Variants in STAU1 observed in about 807,000 individuals in gnomAD.
STAU1 encodes the protein staufen double-stranded RNA binding protein 1.
STAU1 carries 13 observed loss-of-function variants against 62.9 expected under a neutral mutation model. That is an observed-to-expected ratio of 0.21 (90% CI 0.13 to 0.33). STAU1 has a LOEUF of 0.33. Among genes scored for constraint, STAU1 ranks in the 10% least tolerant of loss-of-function variants. The pLI is 1.00. For synonymous variants in STAU1, 269 were observed against 265.1 expected (o/e 1.01, Z -0.14); for missense variants, 571 against 712.1 (o/e 0.80, Z 2.25).
intron 1 of STAU1, among the ~76,000 whole-genome samples, chr20:49,184,600 A>T (rs1486130812): frequency 6.6e-6 from 1 of 152,226 alleles, no homozygotes; most frequent in Non-Finnish European, 1.5e-5. Context: ...CTGTATATAC[A>T]TGGACTTTCT....
the STAU1 span, among the ~76,000 whole-genome samples, chr20:49,211,153 A>G: frequency 1.3e-5 from 2 of 152,196 alleles, no homozygotes; most frequent in African/African-American, 4.8e-5. Context: ...ATCTCACTTC[A>G]TTCATTTTTA....
intron 1 of STAU1, among the ~76,000 whole-genome samples, chr20:49,177,717 G>A (rs552345732): frequency 1.2e-4 from 18 of 151,870 alleles, no homozygotes; most frequent in African/African-American, 4.3e-4. Context: ...CATAAAAAAA[G>A]CTAAATATAA....
intron 12 of STAU1, 103 bp from the exon 13 acceptor site, chr20:49,115,970 G>A: frequency 1.2e-6 from 1 of 851,426 alleles, no homozygotes. Flanking sequence ...CCAGCAAACA[G>A]GTGGCAACTT....
chr20:49,140,696 T>C (rs1020026988), intron 5 of STAU1, among the ~76,000 whole-genome samples: 3 of 152,144 alleles, frequency 2.0e-5, no homozygotes, highest in South Asian at 4.1e-4. Flanking sequence ...TTTGGAATGA[T>C]GGAAAGGTTC....
chr20:49,204,641 TA>T, the STAU1 span, among the ~76,000 whole-genome samples: 1 of 57,718 alleles, frequency 1.7e-5, no homozygotes, highest in African/African-American at 8.5e-5. Flanking sequence ...TATATATATA[TA>T]TATATTTTTT....
intron 3 of STAU1, among the ~76,000 whole-genome samples, chr20:49,165,224 T>C (rs961898016): frequency 2.0e-5 from 3 of 152,156 alleles, no homozygotes; most frequent in Admixed American, 6.5e-5. Context: ...TTTGTATTTT[T>C]AGTAGAGACG....
intron 1 of STAU1, chr20:49,179,379 T>C (rs1270229477): frequency 2.0e-5 from 3 of 152,194 alleles, no homozygotes; most frequent in African/African-American, 7.2e-5. Flanking sequence ...AAAATTACTA[T>C]ACAGAAGTAG....
the STAU1 span, among the ~76,000 whole-genome samples, chr20:49,207,492 T>C: frequency 6.6e-6 from 1 of 152,196 alleles, no homozygotes; most frequent in Non-Finnish European, 1.5e-5. Context: ...TAATTAACTT[T>C]AAATGAATTT....
the STAU1 span, among the ~76,000 whole-genome samples, chr20:49,210,202 C>T: frequency 6.6e-6 from 1 of 152,192 alleles, no homozygotes; most frequent in Non-Finnish European, 1.5e-5. Context: ...GGCTGGATCT[C>T]CTGTTTCCTG....
In STAU1 at chr20:49,114,769, C is replaced by T. The variant is rs1327845711; in HGVS notation, c.*109G>A. On this transcript the variant is annotated 3_prime_UTR_variant, in exon 14 of 14. Coordinates refer to ENST00000371856, the MANE Select transcript of STAU1 (RefSeq NM_017453.4). ...GCTGCTGCCCACATCCTTTACCCAC[C>T]GTGTCTCTCGGCCCACTGGAGGTAT... 2.1e-5 allele frequency: 21 copies of T among 1,022,066 alleles called. No homozygotes were observed. Among genetic ancestry groups the T allele is most frequent in the African/African-American group, 8.0e-5 (5 of 62,482 alleles). 63.3% of individuals were successfully genotyped at this position (1,022,066 alleles called of 1,614,324 possible).
At chr20:49,193,354 C>A (rs1199879332), upstream of STAU1, among the ~76,000 whole-genome samples, 1 of 151,806 alleles carries the variant, frequency 6.6e-6, no homozygotes, top group East Asian at 1.9e-4. Flanking sequence ...TGCAGCCTGG[C>A]CAACAGAGCA....
At chr20:49,127,638 G>A (rs1369050091) in intron 6 of STAU1, among the ~76,000 whole-genome samples, 10 of 152,082 alleles carry the variant, frequency 6.6e-5, no homozygotes, top group Admixed American at 2.6e-4. Context: ...CCCCAGAGGC[G>A]GAGGTTGCAG....
intron 9 of STAU1, 68 bp downstream of exon 9, chr20:49,119,914 G>A: frequency 1.3e-6 from 2 of 1,555,126 alleles, no homozygotes; most frequent in South Asian, 2.4e-5. Context: ...GCCTGCCCCT[G>A]GAGGTGCCCC....
the STAU1 span, among the ~76,000 whole-genome samples, chr20:49,205,801 A>C: frequency 6.7e-6 from 1 of 148,254 alleles, no homozygotes; most frequent in Non-Finnish European, 1.5e-5. Flanking sequence ...CAGCCTCCCG[A>C]GTAGCTGGGA....
chr20:49,149,907 C>T (rs2093211532), intron 5 of STAU1, among the ~76,000 whole-genome samples: 1 of 152,220 alleles, frequency 6.6e-6, no homozygotes, highest in South Asian at 2.1e-4. Context: ...CGGGTCTACA[C>T]CTCTCATCAC....
intron 6 of STAU1, among the ~76,000 whole-genome samples, chr20:49,127,643 T>G (rs915903174): frequency 6.6e-6 from 1 of 151,892 alleles, no homozygotes; most frequent in African/African-American, 2.4e-5. Context: ...GAGGCGGAGG[T>G]TGCAGTGAGC....
At chr20:49,172,764 T>C (rs2426141) in intron 2 of STAU1, among the ~76,000 whole-genome samples, 130,114 of 152,162 alleles carry the variant, frequency 0.86, 56,101 homozygotes, top group African/African-American at 0.93. Flanking sequence ...CTCTTGGCAA[T>C]CCACTCCCCT....
Position 49,117,260 on chromosome 20 carries a change from A to G in STAU1, c.1510-12T>C, listed in dbSNP as rs2092350831. 6.2e-7 allele frequency: 1 copy of G among 1,613,716 alleles called. No homozygotes were observed. Among genetic ancestry groups the G allele is most frequent in the African/African-American group, 1.3e-5 (1 of 74,924 alleles). On this transcript the variant is annotated splice_polypyrimidine_tract_variant and intron_variant, in intron 11 of 13. Transcript: ENST00000371856. The surrounding 1 kb of genome is among the most constrained non-coding windows in gnomAD (Gnocchi z 4.6). Reference sequence around the variant, plus strand: ...TCTTTGTATTCAACCTAAGGGGGAAAAGAGAGCTGAGGCTAGGTAGGGAAC... The same window carrying G: ...TCTTTGTATTCAACCTAAGGGGGAAGAGAGAGCTGAGGCTAGGTAGGGAAC...
chr20:49,173,187 G>C (rs1296997841), intron 2 of STAU1, among the ~76,000 whole-genome samples: 2 of 150,188 alleles, frequency 1.3e-5, no homozygotes, highest in Non-Finnish European at 3.0e-5. Flanking sequence ...GCCGGGCACA[G>C]TGGCTCACGC....
Sources: allele counts gnomAD v4.1 joint callset (sites outside exome capture counted in the v4.1 genomes callset), GRCh38; gene constraint gnomAD v4.1.1; non-coding constraint Gnocchi (gnomAD v3.1); transcripts MANE v1.5; gene names NCBI Gene and HGNC (gene_info 2026-07-23, HGNC 2026-07-21).